FBXL13: variants seen among roughly 807,000 people sequenced by gnomAD.
The protein encoded by FBXL13 is F-box and leucine rich repeat protein 13.
Under a neutral mutation model 83.6 loss-of-function variants are expected in FBXL13, and 67 were observed. That is an observed-to-expected ratio of 0.80 (90% confidence interval 0.66 to 0.98). FBXL13 has a LOEUF of 0.98. Among genes scored for constraint, FBXL13 ranks in the 50% least tolerant of loss-of-function variants. FBXL13 has a pLI of 0.00. For synonymous variants in FBXL13, 272 were observed against 299.5 expected (o/e 0.91, Z 0.95); for missense variants, 822 against 866.5 (o/e 0.95, Z 0.64).
intron 16 of FBXL13, among the ~76,000 whole-genome samples, chr7:102,857,174 C>T (rs1806159910): frequency 6.6e-6 from 1 of 151,736 alleles, no homozygotes. Flanking sequence ...TTGATCTTGG[C>T]AAAGATTTTA....
chr7:102,953,727 G>A (rs934953123), intron 8 of FBXL13, among the ~76,000 whole-genome samples: 1 of 152,150 alleles, frequency 6.6e-6, no homozygotes, highest in African/African-American at 2.4e-5. Context: ...AGATAAGCAT[G>A]CCTTGCTATT....
intron 16 of FBXL13, among the ~76,000 whole-genome samples, chr7:102,868,354 C>T (rs1440455235): frequency 6.6e-6 from 1 of 152,192 alleles, no homozygotes; most frequent in Non-Finnish European, 1.5e-5. Flanking sequence ...ATTCTCCTCT[C>T]TACTTCTATG....
At chr7:102,992,236 G>A (rs1315391762) in intron 6 of FBXL13, among the ~76,000 whole-genome samples, 1 of 152,078 alleles carries the variant, frequency 6.6e-6, no homozygotes, top group Non-Finnish European at 1.5e-5. Context: ...ACTGCCTACT[G>A]GTTAAAACCC....
At chr7:103,069,170 A>G (rs1489125387) in intron 1 of FBXL13, among the ~76,000 whole-genome samples, 1 of 151,770 alleles carries the variant, frequency 6.6e-6, no homozygotes, top group Non-Finnish European at 1.5e-5. Context: ...CTGTCTGGGA[A>G]GTAAGGCGCA....
At chr7:103,055,610 A>G in intron 2 of FBXL13, 34 bp downstream of exon 2, 1 of 1,003,066 alleles carries the variant, frequency 1.0e-6, no homozygotes, top group South Asian at 1.5e-5. Context: ...TCAAAATAAA[A>G]TATTTCCCTA....
chr7:103,061,929 C>T (rs2129499646), intron 1 of FBXL13, among the ~76,000 whole-genome samples: 1 of 122,736 alleles, frequency 8.1e-6, no homozygotes, highest in East Asian at 2.4e-4. Flanking sequence ...CAGAGCAAGA[C>T]TGCGTCTCAA....
At chr7:103,012,455 C>A (rs1791751893) in intron 6 of FBXL13, among the ~76,000 whole-genome samples, 1 of 151,968 alleles carries the variant, frequency 6.6e-6, no homozygotes, top group Non-Finnish European at 1.5e-5. Context: ...AACAGCAGAC[C>A]TGTCGGCAGA....
intron 2 of FBXL13, among the ~76,000 whole-genome samples, chr7:103,036,258 G>A (rs973899716): frequency 6.6e-6 from 1 of 152,108 alleles, no homozygotes. Flanking sequence ...GGTGACCACT[G>A]TTCTAGAATA....
chr7:103,066,357 G>C (rs1798387147), intron 1 of FBXL13, among the ~76,000 whole-genome samples: 1 of 151,584 alleles, frequency 6.6e-6, no homozygotes, highest in African/African-American at 2.4e-5. Context: ...CTTGTCCTAA[G>C]AAACCTTATA....
At chr7:103,043,828 T>C (rs2129493466) in intron 2 of FBXL13, among the ~76,000 whole-genome samples, 1 of 152,352 alleles carries the variant, frequency 6.6e-6, no homozygotes, top group Non-Finnish European at 1.5e-5. Flanking sequence ...TATACACATC[T>C]TAAAAGCAAA....
intron 18 of FBXL13, among the ~76,000 whole-genome samples, chr7:102,826,404 C>T (rs1378640207): frequency 1.3e-5 from 2 of 151,624 alleles, no homozygotes; most frequent in African/African-American, 2.4e-5. Context: ...TTTTTTAAAC[C>T]CCTGAACTGT....
chr7:102,928,551 C>T lies in FBXL13; in HGVS notation c.778-2177G>A, dbSNP rs545601696. Among the ~76,000 whole-genome samples, 8 of 152,288 alleles carry T rather than the reference C, an allele frequency of 5.3e-5. No individual in the cohort carries two copies. The South Asian group carries it at 1.4e-3, about 28-fold the overall frequency. On this transcript the variant is annotated intron_variant, in intron 9 of 19. Transcript: ENST00000313221. ...CCTGTATATTATTAGACTCCAAAAT[C>T]GGACAAGACTTTGATGTTCACAAAT...
At chr7:102,864,037 G>C (rs1470066400) in intron 16 of FBXL13, among the ~76,000 whole-genome samples, 1 of 152,004 alleles carries the variant, frequency 6.6e-6, no homozygotes, top group Non-Finnish European at 1.5e-5. Context: ...ACTGCCACCA[G>C]AGTTATGTTT....
intron 8 of FBXL13, among the ~76,000 whole-genome samples, chr7:102,956,302 A>C (rs1824260825): frequency 6.6e-6 from 1 of 152,188 alleles, no homozygotes; most frequent in South Asian, 2.1e-4. Context: ...ATCTCAACAG[A>C]TACAGAAAAG....
chr7:102,903,982 T>TTGGC (rs1438613637), intron 11 of FBXL13, among the ~76,000 whole-genome samples: 1 of 149,012 alleles, frequency 6.7e-6, no homozygotes, highest in Non-Finnish European at 1.5e-5. Context: ...TTGTCTGGTT[T>TTGGC]TGGCATCAGG....
rs554179552 is a variant in FBXL13 at position 102,878,489 on chromosome 7, A to T, written c.1389-39T>A. On this transcript the variant is annotated intron_variant, in intron 14 of 19. Transcript: ENST00000313221. ...AGAAAAATTTTACATGTGATTCTAT[A>T]TATAAACATATAGAATAGTATTAAA... 253 of 1,410,442 alleles carry T rather than the reference A, an allele frequency of 1.8e-4. 7 individuals carry two copies. The South Asian group carries it at 3.2e-3, about 18-fold the overall frequency. The allele number at this position is 1,410,442 out of a possible 1,614,324, so 87.4% of individuals were successfully genotyped here. A position where few individuals can be genotyped will look rare whatever the true frequency, so the allele number is the denominator to read the frequency against.
chr7:102,914,782 AT>A (rs1344718210), intron 10 of FBXL13, among the ~76,000 whole-genome samples: 3 of 152,196 alleles, frequency 2.0e-5, no homozygotes, highest in Non-Finnish European at 4.4e-5. Context: ...CAGTGCTAAT[AT>A]CCCAAAGACA....
chr7:102,945,401 G>A (rs1405111917), intron 8 of FBXL13, among the ~76,000 whole-genome samples: 1 of 152,156 alleles, frequency 6.6e-6, no homozygotes, highest in Non-Finnish European at 1.5e-5. Flanking sequence ...GTGAGAAAGG[G>A]CCCTTCCTGC....
chr7:102,942,451 G>GAGGTAAAAACCCCCTAGTA, intron 8 of FBXL13: 1 of 947,078 alleles, frequency 1.1e-6, no homozygotes, highest in Non-Finnish European at 1.5e-6. Flanking sequence ...ACCCTACTAG[G>GAGGTAAAAACCCCCTAGTA]GGGTTTTTAC....
Sources: allele counts gnomAD v4.1 joint callset (sites outside exome capture counted in the v4.1 genomes callset), GRCh38; gene constraint gnomAD v4.1.1; transcripts MANE v1.5; gene names NCBI Gene and HGNC (gene_info 2026-07-23, HGNC 2026-07-21).